The following SLC6A5 variants were observed in gnomAD, a reference collection of about 807,000 sequenced individuals.
SLC6A5 encodes solute carrier family 6 member 5.
In SLC6A5, 58 loss-of-function variants were observed where a neutral mutation model predicts 90.5. The ratio of observed to expected loss-of-function variants is 0.64; its 90% CI spans 0.52 to 0.80. The LOEUF is 0.80. Ranked by LOEUF, SLC6A5 falls within the 30% of genes least tolerant of loss-of-function variation. SLC6A5 has a pLI of 0.00. For missense variants in SLC6A5, 1,015 were observed against 1,017.6 expected, an observed-to-expected ratio of 1.00 and a Z score of 0.03; for synonymous variants, 427 against 401.4, an observed-to-expected ratio of 1.06 and a Z score of -0.76.
rs1419167569 is a variant in SLC6A5 at position 20,601,470 on chromosome 11, C to G, written c.345C>G (p.Gly115=). 1.2e-6 allele frequency: 2 copies of G among 1,611,788 alleles called. No homozygotes were observed. The highest frequency in any genetic ancestry group is 1.7e-5 in the Admixed American group (1 of 59,660). The change falls in exon 2 of 16, where the codon GGC becomes GGG. Residue 115 remains glycine (G), a synonymous_variant. Coordinates refer to ENST00000525748, the MANE Select transcript of SLC6A5 (RefSeq NM_004211.5). Reference sequence around the variant, plus strand: ...CCCCTCCCGGGAGCTCCGGGCCCGGCAACGCGCTGCACTGTAAGATCCCTT... The same window carrying G: ...CCCCTCCCGGGAGCTCCGGGCCCGGGAACGCGCTGCACTGTAAGATCCCTT... ...ASPPPGSSGP[G]NALHCKIPFL...
At chr11:20,637,413 A>C (rs1468850458) in intron 12 of SLC6A5, 110 bp downstream of exon 12, 5 of 957,922 alleles carry the variant, frequency 5.2e-6, no homozygotes, top group Non-Finnish European at 8.2e-6. Flanking sequence ...AAGGCAAATC[A>C]CTACCATTTC....
At chr11:20,638,951 T>A (rs1590176255) in intron 13 of SLC6A5, among the ~76,000 whole-genome samples, 1 of 152,176 alleles carries the variant, frequency 6.6e-6, no homozygotes, top group Non-Finnish European at 1.5e-5. Flanking sequence ...GGGGTAACTT[T>A]GTAGCTGGTC....
chr11:20,644,365 C>T (rs887440676), intron 13 of SLC6A5, among the ~76,000 whole-genome samples: 1 of 152,136 alleles, frequency 6.6e-6, no homozygotes, highest in Non-Finnish European at 1.5e-5. Flanking sequence ...GCTTATTTTA[C>T]TTCGCATAAT....
chr11:20,629,871 C>T (rs546034742), intron 9 of SLC6A5, among the ~76,000 whole-genome samples: 4 of 152,014 alleles, frequency 2.6e-5, no homozygotes, highest in African/African-American at 7.2e-5. Flanking sequence ...TGCCACCATG[C>T]CCCGCTAATT....
chr11:20,631,089 C>T (rs1853101197), intron 10 of SLC6A5, among the ~76,000 whole-genome samples: 1 of 152,174 alleles, frequency 6.6e-6, no homozygotes, highest in South Asian at 2.1e-4. Context: ...CTTAATTTAG[C>T]TCCAGTCTAT....
chr11:20,626,761 C>T lies in SLC6A5; in HGVS notation c.1314C>T (p.Ile438=). The change falls in exon 8 of 16, where the codon ATC becomes ATT. Residue 438 remains isoleucine (I), a synonymous_variant. Coordinates refer to ENST00000525748, the MANE Select transcript of SLC6A5 (RefSeq NM_004211.5). ...ATGTCGTACTCGTGATCCTCCTCAT[C>T]CGAGGAGTCACCCTGCCTGGAGCTG... ...FPYVVLVILL[I]RGVTLPGAGA... The T allele has an allele frequency of 1.2e-6, 2 of 1,613,596 alleles. No individual in the cohort carries two copies. The highest frequency in any genetic ancestry group is 1.7e-6 in the Non-Finnish European group (2 of 1,179,480).
At position 20,652,337 on chromosome 11, in the gene SLC6A5, T is replaced by C. The variant is rs751861245; in HGVS notation, c.2119T>C (p.Ser707Pro). The change falls in exon 15 of 16, where the codon TCT (serine) becomes CCT (proline). Residue 707 changes from serine to proline, a missense_variant. This residue lies in a region of SLC6A5 where 442 missense variants were observed against 494.3 expected (regional missense o/e 0.89). Coordinates refer to ENST00000525748, the MANE Select transcript of SLC6A5 (RefSeq NM_004211.5). ...FYQWEPMTYG[S>P]YRYPNWSMVL... ...CCAGTGGGAGCCCATGACCTATGGC[T>C]CTTACCGCTATCCTAACTGGTCCAT... The C allele has an allele frequency of 1.2e-6, 2 of 1,614,042 alleles. No homozygotes were observed. The highest frequency in any genetic ancestry group is 1.7e-5 in the Admixed American group (1 of 60,002).
chr11:20,644,553 A>T (rs567182084), intron 13 of SLC6A5, among the ~76,000 whole-genome samples: 1 of 152,344 alleles, frequency 6.6e-6, no homozygotes, highest in East Asian at 1.9e-4. Flanking sequence ...GGACATACTG[A>T]TGTCACATCC....
chr11:20,646,737 A>G lies in SLC6A5; in HGVS notation c.1970-97A>G. The G allele has an allele frequency of 6.1e-6, 5 of 822,092 alleles. No homozygotes were observed. The South Asian group carries it at 6.9e-5, about 11-fold the overall frequency. 50.9% of individuals were successfully genotyped at this position (822,092 alleles called of 1,614,324 possible). ...TACAGGGCTGGGGCCAGCCCTAGCC[A>G]ATGGTGCTTGAGTGAGGGGCTCTAG... On this transcript the variant is annotated intron_variant, in intron 13 of 15. Transcript: ENST00000525748.
chr11:20,637,292 A>G lies in SLC6A5; in HGVS notation c.1858A>G (p.Met620Val), dbSNP rs767494455. 1.3e-5 allele frequency: 20 copies of G among 1,491,852 alleles called. No homozygotes were observed. The highest frequency in any genetic ancestry group is 5.7e-5 in the African/African-American group (4 of 70,652). 92.4% of individuals were successfully genotyped at this position (1,491,852 alleles called of 1,614,324 possible). The part of the protein sequence containing the change: ...CICFFIMGFP[M>V]ITQGGIYMFQ... Reference sequence around the variant, plus strand: ...TTGTTTCTTCATCATGGGTTTTCCAATGATCACTCAGGTAAGCTGCCTCCT... The same window carrying G: ...TTGTTTCTTCATCATGGGTTTTCCAGTGATCACTCAGGTAAGCTGCCTCCT... Residue 620 changes from methionine to valine, a missense_variant, in exon 12 of 16, where the codon ATG becomes GTG. Met to Val is a conservative substitution (Grantham distance 21). Around this residue, in one of 3 missense-constraint regions of SLC6A5, gnomAD observed 442 missense variants for 494.3 expected, o/e 0.89. Coordinates refer to ENST00000525748, the MANE Select transcript of SLC6A5 (RefSeq NM_004211.5).
intron 13 of SLC6A5, among the ~76,000 whole-genome samples, chr11:20,641,025 T>G (rs1310130374): frequency 1.3e-5 from 2 of 152,220 alleles, no homozygotes; most frequent in African/African-American, 2.4e-5. Flanking sequence ...TTGAAACAGT[T>G]GTTTGACGTT....
At chr11:20,638,684 A>G in intron 13 of SLC6A5, 126 bp downstream of exon 13, 1 of 725,754 alleles carries the variant, frequency 1.4e-6, no homozygotes, top group Non-Finnish European at 2.5e-6. Context: ...TAGGAAACCT[A>G]AGAGAGCTGC....
intron 14 of SLC6A5, among the ~76,000 whole-genome samples, chr11:20,649,317 CATT>C (rs1233394278): frequency 6.6e-6 from 1 of 152,172 alleles, no homozygotes; most frequent in African/African-American, 2.4e-5. Flanking sequence ...ATTCCATCAT[CATT>C]GTCAACTGAT....
chr11:20,644,790 C>T (rs1205280429), intron 13 of SLC6A5, among the ~76,000 whole-genome samples: 9 of 151,942 alleles, frequency 5.9e-5, no homozygotes, highest in African/African-American at 1.2e-4. Context: ...AGAACATCAG[C>T]AGGGCCATTT....
intron 14 of SLC6A5, among the ~76,000 whole-genome samples, chr11:20,650,815 C>T (rs1156966377): frequency 6.6e-6 from 1 of 151,812 alleles, no homozygotes; most frequent in African/African-American, 2.4e-5. Context: ...TACAGGCGCC[C>T]GCTACCACGC....
chr11:20,617,999 C>A, intron 7 of SLC6A5, 115 bp downstream of exon 7: 1 of 1,096,202 alleles, frequency 9.1e-7, no homozygotes, highest in Non-Finnish European at 1.4e-6. Context: ...AATTCTGACT[C>A]TGCCCTGGAG....
chr11:20,645,635 GT>G (rs150652189), intron 13 of SLC6A5, among the ~76,000 whole-genome samples: 19,509 of 94,614 alleles, frequency 0.21, 1,378 homozygotes, highest in Non-Finnish European at 0.24. Flanking sequence ...ATGATGAAGT[GT>G]TTTTTTTTTT....
chr11:20,643,455 A>T (rs1853352580), intron 13 of SLC6A5, among the ~76,000 whole-genome samples: 1 of 152,210 alleles, frequency 6.6e-6, no homozygotes, highest in Admixed American at 6.5e-5. Flanking sequence ...TCTTGCCTGT[A>T]GACCCAAGAA....
intron 2 of SLC6A5, among the ~76,000 whole-genome samples, chr11:20,602,355 C>T (rs1412165303): frequency 6.6e-6 from 1 of 152,180 alleles, no homozygotes; most frequent in Admixed American, 6.5e-5. Flanking sequence ...TCCTTTACTA[C>T]TTAATTAGAG....
Sources: allele counts gnomAD v4.1 joint callset (sites outside exome capture counted in the v4.1 genomes callset), GRCh38; gene constraint gnomAD v4.1.1; regional missense constraint gnomAD v4.1.1; transcripts MANE v1.5; gene names NCBI Gene and HGNC (gene_info 2026-07-23, HGNC 2026-07-21).